The following CDYL2 variants were observed in gnomAD, a reference collection of about 807,000 sequenced individuals.
The protein encoded by CDYL2 is chromodomain Y-like protein 2.
Under a neutral mutation model 49.4 loss-of-function variants are expected in CDYL2, and 23 were observed. The ratio of observed to expected loss-of-function variants is 0.47; its 90% CI spans 0.34 to 0.66. CDYL2 has a LOEUF of 0.66. Ranked by LOEUF, CDYL2 falls within the 30% of genes least tolerant of loss-of-function variation. CDYL2 has a pLI of 0.01. For missense variants in CDYL2, 678 were observed against 656.4 expected, an observed-to-expected ratio of 1.03 and a Z score of -0.36; for synonymous variants, 360 against 268.8, an observed-to-expected ratio of 1.34 and a Z score of -3.32.
At chr16:80,721,043 C>T (rs769601366) in intron 1 of CDYL2, among the ~76,000 whole-genome samples, 4 of 152,080 alleles carry the variant, frequency 2.6e-5, no homozygotes, top group Admixed American at 1.3e-4. Flanking sequence ...AACACATTTC[C>T]GCCAAGACCC....
intron 2 of CDYL2, among the ~76,000 whole-genome samples, chr16:80,679,525 T>A (rs1030360980): frequency 6.6e-6 from 1 of 152,196 alleles, no homozygotes; most frequent in Non-Finnish European, 1.5e-5. Flanking sequence ...TCCACCTCTG[T>A]AAAATGGGTA....
intron 4 of CDYL2, among the ~76,000 whole-genome samples, chr16:80,614,655 G>C (rs1906746265): frequency 1.3e-5 from 2 of 152,152 alleles, no homozygotes; most frequent in South Asian, 4.1e-4. Flanking sequence ...CACAAGGTCA[G>C]GAGTTCTAGA....
At chr16:80,743,105 C>T (rs1272238670) in intron 1 of CDYL2, among the ~76,000 whole-genome samples, 1 of 152,124 alleles carries the variant, frequency 6.6e-6, no homozygotes, top group African/African-American at 2.4e-5. Flanking sequence ...ATCACAAAAC[C>T]TTCCTTTGGT....
At chr16:80,804,812 G>A (rs1416306613), upstream of CDYL2, among the ~76,000 whole-genome samples, 2 of 151,332 alleles carry the variant, frequency 1.3e-5, no homozygotes, top group Non-Finnish European at 3.0e-5. Context: ...GGCCGCGAAG[G>A]GGCGGCCGGG....
chr16:80,733,202 A>C (rs1905394272), intron 1 of CDYL2, among the ~76,000 whole-genome samples: 1 of 152,246 alleles, frequency 6.6e-6, no homozygotes, highest in African/African-American at 2.4e-5. Context: ...AGTTGGATTC[A>C]CAAAATCAGT....
intron 1 of CDYL2, among the ~76,000 whole-genome samples, chr16:80,726,819 G>A (rs939607059): frequency 7.9e-5 from 12 of 151,492 alleles, no homozygotes; most frequent in Non-Finnish European, 1.8e-4. Flanking sequence ...TAAGCATGGT[G>A]GCTCATGCCT....
intron 2 of CDYL2, chr16:80,639,597 A>G (rs766656686): frequency 4.5e-6 from 2 of 442,302 alleles, no homozygotes; most frequent in Non-Finnish European, 9.0e-6. Context: ...CCCTGCAAGG[A>G]CATCAAATTA....
intron 2 of CDYL2, among the ~76,000 whole-genome samples, chr16:80,673,274 C>G (rs1909606563): frequency 6.6e-6 from 1 of 152,002 alleles, no homozygotes; most frequent in Non-Finnish European, 1.5e-5. Flanking sequence ...GAGCCAAGAT[C>G]ATGCCATTGC....
chr16:80,769,296 G>A (rs768790375), intron 1 of CDYL2, among the ~76,000 whole-genome samples: 6 of 152,176 alleles, frequency 3.9e-5, no homozygotes, highest in Non-Finnish European at 5.9e-5. Context: ...TACAAGACTA[G>A]AAAACTATTA....
chr16:80,702,331 C>A (rs960210632), intron 1 of CDYL2, among the ~76,000 whole-genome samples: 2 of 151,690 alleles, frequency 1.3e-5, no homozygotes, highest in Non-Finnish European at 2.9e-5. Flanking sequence ...ACGTTCTGCA[C>A]ATGTATCCCA....
intron 1 of CDYL2, among the ~76,000 whole-genome samples, chr16:80,764,160 G>A (rs924676757): frequency 2.0e-5 from 3 of 152,068 alleles, no homozygotes; most frequent in African/African-American, 7.2e-5. Context: ...AAAGTGGCTA[G>A]GTATAAGATG....
At chr16:80,664,156 C>T (rs533589204) in intron 2 of CDYL2, among the ~76,000 whole-genome samples, 22 of 152,284 alleles carry the variant, frequency 1.4e-4, no homozygotes, top group Admixed American at 2.6e-4. Flanking sequence ...TCACATGCCT[C>T]CATCGTCTGG....
At position 80,710,853 on chromosome 16, in the gene CDYL2, T is replaced by C. The variant is rs139208012; in HGVS notation, c.25-25724A>G. Among the ~76,000 whole-genome samples the C allele has an allele frequency of 5.1e-4, 78 of 152,348 alleles. 1 individual carries two copies. In the South Asian group the frequency reaches 5.6e-3, roughly 11 times the overall value. ...TTTCGGTTTTGTTAAAAATCAGAAATAGTTCTTCACTGCATATCATATACC... is the reference window on the plus strand; with the variant it reads ...TTTCGGTTTTGTTAAAAATCAGAAACAGTTCTTCACTGCATATCATATACC... On this transcript the variant is annotated intron_variant, in intron 1 of 6. Transcript: ENST00000570137.
chr16:80,686,887 A>G (rs1452156107), intron 1 of CDYL2, among the ~76,000 whole-genome samples: 1 of 152,230 alleles, frequency 6.6e-6, no homozygotes, highest in Non-Finnish European at 1.5e-5. Flanking sequence ...TCCTTATTAA[A>G]CGTCCTGGGA....
intron 1 of CDYL2, among the ~76,000 whole-genome samples, chr16:80,712,191 G>GTATATATATATATATATATATATA (rs60399715): frequency 1.0e-4 from 11 of 107,928 alleles, no homozygotes; most frequent in East Asian, 9.8e-4. Context: ...GTCTGTGTGT[G>GTATATATATATATATATATATATA]TATATATATA....
chr16:80,759,289 A>G (rs1219778804), intron 1 of CDYL2, among the ~76,000 whole-genome samples: 3 of 151,386 alleles, frequency 2.0e-5, no homozygotes, highest in African/African-American at 7.3e-5. Context: ...GTGCCTTTTG[A>G]ATACTTCACA....
At chr16:80,733,386 C>T (rs765390520) in intron 1 of CDYL2, among the ~76,000 whole-genome samples, 4 of 152,160 alleles carry the variant, frequency 2.6e-5, no homozygotes, top group Non-Finnish European at 5.9e-5. Context: ...TTTCATCTTG[C>T]CATTTGGGCT....
intron 1 of CDYL2, among the ~76,000 whole-genome samples, chr16:80,761,057 G>A (rs1257479325): frequency 6.6e-6 from 1 of 152,196 alleles, no homozygotes; most frequent in Non-Finnish European, 1.5e-5. Flanking sequence ...TGAAGAAAAA[G>A]CCATACACTC....
At chr16:80,692,044 G>A (rs887607223) in intron 1 of CDYL2, among the ~76,000 whole-genome samples, 1 of 152,114 alleles carries the variant, frequency 6.6e-6, no homozygotes, top group African/African-American at 2.4e-5. Flanking sequence ...TAAGGAAAAT[G>A]AGAATAGATA....
Sources: allele counts gnomAD v4.1 joint callset (sites outside exome capture counted in the v4.1 genomes callset), GRCh38; gene constraint gnomAD v4.1.1; transcripts MANE v1.5; gene names NCBI Gene and HGNC (gene_info 2026-07-23, HGNC 2026-07-21).